The following BMPR1B variants were observed in gnomAD, a reference collection of about 807,000 sequenced individuals.
BMPR1B encodes bone morphogenetic protein receptor type-1B.
BMPR1B carries 12 observed loss-of-function variants against 59.1 expected under a neutral mutation model. That is an observed-to-expected ratio of 0.20 (90% CI 0.13 to 0.33). The LOEUF (loss-of-function observed/expected upper bound fraction) is 0.33, where lower values mean the gene tolerates loss of function less well. Among genes scored for constraint, BMPR1B ranks in the 10% least tolerant of loss-of-function variants. BMPR1B has a pLI of 1.00. For synonymous variants in BMPR1B, 237 were observed against 207.3 expected, an observed-to-expected ratio of 1.14 and a Z score of -1.23; for missense variants, 550 against 610.9, an observed-to-expected ratio of 0.90 and a Z score of 1.05.
At chr4:94,801,514 A>C (rs192004223) in intron 1 of BMPR1B, among the ~76,000 whole-genome samples, 2 of 152,264 alleles carry the variant, frequency 1.3e-5, no homozygotes, top group East Asian at 3.9e-4. Context: ...ATCACTTATC[A>C]CACTTAACAT....
chr4:95,120,952 G>A (rs1398738650), intron 6 of BMPR1B, among the ~76,000 whole-genome samples: 1 of 152,116 alleles, frequency 6.6e-6, no homozygotes, highest in African/African-American at 2.4e-5. Context: ...GGGATTACAG[G>A]CGTGTGCCAT....
At chr4:94,864,939 T>G (rs1447593037) in intron 1 of BMPR1B, among the ~76,000 whole-genome samples, 1 of 152,204 alleles carries the variant, frequency 6.6e-6, no homozygotes, top group Non-Finnish European at 1.5e-5. Context: ...GGAGGTTTGC[T>G]TTATAATTTA....
In BMPR1B at chr4:94,846,845, C is replaced by CAA. The variant is rs58369445; in HGVS notation, c.-182-28975_-182-28974dup. Among the ~76,000 whole-genome samples, 17 of 148,150 alleles carry CAA rather than the reference C, an allele frequency of 1.1e-4. No homozygotes were observed. In the Admixed American group the frequency reaches 1.2e-3, roughly 10 times the overall value. The stretch of plus-strand genomic sequence containing the variant: ...TGACACCCCAGACTGTGAAACTACT[C>CAA]AAAAAAAAAAAACGTTGGGGAAACT... On this transcript the variant is annotated intron_variant, in intron 1 of 12. Coordinates refer to ENST00000515059, the MANE Select transcript of BMPR1B (RefSeq NM_001203.3).
chr4:94,881,189 TCTAA>T (rs1318728245), intron 2 of BMPR1B, among the ~76,000 whole-genome samples: 1 of 152,138 alleles, frequency 6.6e-6, no homozygotes, highest in Non-Finnish European at 1.5e-5. Flanking sequence ...AACTGTACCT[TCTAA>T]CTCTGTTTTC....
chr4:94,927,137 A>G (rs2149030318), intron 2 of BMPR1B, among the ~76,000 whole-genome samples: 1 of 152,274 alleles, frequency 6.6e-6, no homozygotes, highest in East Asian at 1.9e-4. Context: ...TAAAAGCTCT[A>G]GTGGACAGAC....
intron 1 of BMPR1B, among the ~76,000 whole-genome samples, chr4:94,804,742 A>G (rs1291513287): frequency 6.6e-6 from 1 of 152,104 alleles, no homozygotes; most frequent in African/African-American, 2.4e-5. Context: ...ATTTTTTGGT[A>G]AAGTAGTTTA....
chr4:94,909,926 A>G (rs922951447), intron 2 of BMPR1B, among the ~76,000 whole-genome samples: 7 of 152,056 alleles, frequency 4.6e-5, no homozygotes, highest in African/African-American at 9.7e-5. Context: ...GGCTCAAACA[A>G]TGAATTTCTG....
intron 1 of BMPR1B, among the ~76,000 whole-genome samples, chr4:94,809,063 GATA>G (rs956764567): frequency 2.6e-5 from 4 of 152,008 alleles, no homozygotes; most frequent in Non-Finnish European, 5.9e-5. Context: ...TCAAGAAAAA[GATA>G]ATAATAATTG....
At chr4:94,874,019 A>G (rs964494336) in intron 1 of BMPR1B, among the ~76,000 whole-genome samples, 1 of 152,096 alleles carries the variant, frequency 6.6e-6, no homozygotes, top group Non-Finnish European at 1.5e-5. Flanking sequence ...TGAATCATAC[A>G]GTGTTTGTCT....
At position 95,015,469 on chromosome 4, in the gene BMPR1B, T is replaced by C. The variant is rs544063404; in HGVS notation, c.-18+19335T>C. Among the ~76,000 whole-genome samples the C allele has an allele frequency of 2.0e-5, 3 of 152,226 alleles. No homozygotes were observed. The South Asian group carries it at 6.2e-4, about 32-fold the overall frequency. Reference sequence around the variant, plus strand: ...TGGTGCTGTCATAGCTCACTATAGCTCCAACTCCTGGTCTCAAGGGATCTT... The same window carrying C: ...TGGTGCTGTCATAGCTCACTATAGCCCCAACTCCTGGTCTCAAGGGATCTT... On this transcript the variant is annotated intron_variant, in intron 3 of 12. Coordinates refer to ENST00000515059, the MANE Select transcript of BMPR1B (RefSeq NM_001203.3).
chr4:95,103,561 T>A lies in BMPR1B; in HGVS notation c.-17-847T>A. 3 of 884,202 alleles carry A rather than the reference T, an allele frequency of 3.4e-6. No homozygotes were observed. The East Asian group carries it at 3.6e-4, about 106-fold the overall frequency. The allele number at this position is 884,202 out of a possible 1,614,324, so 54.8% of individuals were successfully genotyped here. On this transcript the variant is annotated intron_variant, in intron 3 of 12. Transcript: ENST00000515059. ...CCTCTTCTGTGTAACATAAACATTC[T>A]AAGCTCTTGACATGAGGTTTGGTGT...
At chr4:94,793,023 T>A (rs978203754) in intron 1 of BMPR1B, among the ~76,000 whole-genome samples, 18 of 152,212 alleles carry the variant, frequency 1.2e-4, no homozygotes, top group South Asian at 4.1e-4. Flanking sequence ...TCTTTTTTTT[T>A]ATTATTATTA....
intron 2 of BMPR1B, among the ~76,000 whole-genome samples, chr4:94,890,586 A>C (rs1277692039): frequency 2.0e-5 from 3 of 152,146 alleles, no homozygotes; most frequent in African/African-American, 7.2e-5. Context: ...GAAATACTTT[A>C]GAGTGGGTGG....
chr4:95,030,437 T>C (rs1031751857), intron 3 of BMPR1B, among the ~76,000 whole-genome samples: 5 of 152,134 alleles, frequency 3.3e-5, no homozygotes, highest in East Asian at 1.9e-4. Flanking sequence ...AGATATGTGG[T>C]GTTATTTCTG....
At position 95,114,775 on chromosome 4, in the gene BMPR1B, G is replaced by T; in HGVS notation, c.199G>T (p.Val67Phe). 1.2e-6 allele frequency: 2 copies of T among 1,613,718 alleles called. No homozygotes were observed. The highest frequency in any genetic ancestry group is 1.7e-6 in the Non-Finnish European group (2 of 1,179,810). Residue 67 changes from valine (V) to phenylalanine (F), a missense_variant, in exon 5 of 13, where the codon GTC (valine) becomes TTC (phenylalanine). Val to Phe is a conservative substitution (Grantham distance 50). Coordinates refer to ENST00000515059, the MANE Select transcript of BMPR1B (RefSeq NM_001203.3). ...AGAGGATGACTCTGGGTTGCCTGTG[G>T]TCACTTCTGGTTGCCTAGGACTAGA... Reference protein sequence around the residue: ...IEEDDSGLPVVTSGCLGLEGS... With the variant: ...IEEDDSGLPVFTSGCLGLEGS...
At chr4:94,938,066 T>C (rs1250879280) in intron 2 of BMPR1B, among the ~76,000 whole-genome samples, 1 of 152,130 alleles carries the variant, frequency 6.6e-6, no homozygotes, top group African/African-American at 2.4e-5. Flanking sequence ...AGGTATGCAT[T>C]GTGCTGATTC....
chr4:95,028,796 A>G (rs907171318), intron 3 of BMPR1B, among the ~76,000 whole-genome samples: 3 of 152,122 alleles, frequency 2.0e-5, no homozygotes, highest in African/African-American at 7.2e-5. Context: ...AATTCTGTAT[A>G]TCAACAAAAT....
At chr4:94,807,619 T>C (rs1021423606) in intron 1 of BMPR1B, among the ~76,000 whole-genome samples, 2 of 152,240 alleles carry the variant, frequency 1.3e-5, no homozygotes, top group Non-Finnish European at 2.9e-5. Flanking sequence ...CTGTGGAGAA[T>C]AGAAAGTTAA....
At chr4:94,880,990 T>A (rs1356016772) in intron 2 of BMPR1B, among the ~76,000 whole-genome samples, 2 of 152,184 alleles carry the variant, frequency 1.3e-5, no homozygotes, top group Non-Finnish European at 2.9e-5. Flanking sequence ...GTGGAAAAGA[T>A]GCAACATCGT....
Sources: allele counts gnomAD v4.1 joint callset (sites outside exome capture counted in the v4.1 genomes callset), GRCh38; gene constraint gnomAD v4.1.1; transcripts MANE v1.5; gene names NCBI Gene and HGNC (gene_info 2026-07-23, HGNC 2026-07-21).